The following SNX25 variants were observed in gnomAD, a reference collection of about 807,000 sequenced individuals.
SNX25 encodes the protein sorting nexin 25.
SNX25 carries 62 observed loss-of-function variants against 113.7 expected under a neutral mutation model. The observed-to-expected ratio is 0.55, with a 90% CI of 0.44 to 0.67. SNX25 has a LOEUF of 0.67. Ranked by LOEUF, SNX25 falls within the 30% of genes least tolerant of loss-of-function variation. The pLI, the probability that SNX25 is intolerant of heterozygous loss-of-function variation, is 0.00. For synonymous variants in SNX25, 421 were observed against 436.2 expected, an observed-to-expected ratio of 0.97 and a Z score of 0.43; for missense variants, 1,014 against 1,161.0, an observed-to-expected ratio of 0.87 and a Z score of 1.84.
At chr4:185,292,071 C>T (rs1472641683) in intron 6 of SNX25, among the ~76,000 whole-genome samples, 1 of 152,110 alleles carries the variant, frequency 6.6e-6, no homozygotes, top group Non-Finnish European at 1.5e-5. Context: ...TCTGGTATCA[C>T]TATTTAGCTT....
chr4:185,311,695 T>C lies in SNX25; in HGVS notation c.1344+879T>C, dbSNP rs192292935. Among the ~76,000 whole-genome samples the C allele has an allele frequency of 2.4e-4, 37 of 152,358 alleles. No individual in the cohort carries two copies. In the East Asian group the frequency reaches 5.8e-3, roughly 24 times the overall value. On this transcript the variant is annotated intron_variant, in intron 7 of 18. Coordinates refer to ENST00000652585, the MANE Select transcript of SNX25 (RefSeq NM_001378034.2). ...CTCACTTGTTCTGATTTTCAGTCTC[T>C]TGATTCTTTCCTGTTTAGCTCTCGG...
At chr4:185,337,732 A>G (rs2095239056) in intron 10 of SNX25, among the ~76,000 whole-genome samples, 1 of 152,172 alleles carries the variant, frequency 6.6e-6, no homozygotes, top group South Asian at 2.1e-4. Flanking sequence ...CAAGGGTTCC[A>G]ATCTCTCCAT....
At chr4:185,287,657 C>T (rs541272022) in intron 5 of SNX25, among the ~76,000 whole-genome samples, 6 of 152,202 alleles carry the variant, frequency 3.9e-5, no homozygotes, top group South Asian at 2.1e-4. Context: ...CCTTATTAGA[C>T]AGTGCCAATG....
chr4:185,376,287 C>CT, the SNX25 span, among the ~76,000 whole-genome samples: 1 of 151,630 alleles, frequency 6.6e-6, no homozygotes, highest in African/African-American at 2.4e-5. Context: ...TACAAACATA[C>CT]TTTTTTTTGA....
At chr4:185,326,626 C>T (rs181194391) in intron 9 of SNX25, among the ~76,000 whole-genome samples, 63 of 152,244 alleles carry the variant, frequency 4.1e-4, no homozygotes, top group African/African-American at 1.5e-3. Flanking sequence ...GGAACACATA[C>T]CAGTAACTTA....
chr4:185,243,061 T>C (rs904977678), intron 1 of SNX25, among the ~76,000 whole-genome samples: 2 of 152,166 alleles, frequency 1.3e-5, no homozygotes, highest in Non-Finnish European at 2.9e-5. Flanking sequence ...GGGTGGGATG[T>C]GGGAACTTCA....
At chr4:185,362,459 C>G (rs1314994887) in intron 17 of SNX25, 152 bp from the exon 18 acceptor site, 1 of 1,207,336 alleles carries the variant, frequency 8.3e-7, no homozygotes, top group African/African-American at 1.6e-5. Flanking sequence ...AACATTCTTT[C>G]CTGAAGCATT....
chr4:185,243,051 G>A (rs1056328721), intron 1 of SNX25, among the ~76,000 whole-genome samples: 6 of 152,138 alleles, frequency 3.9e-5, no homozygotes, highest in South Asian at 2.1e-4. Context: ...GATTCCTAGC[G>A]GGTGGGATGT....
intron 2 of SNX25, among the ~76,000 whole-genome samples, chr4:185,251,543 A>G (rs1397462095): frequency 6.6e-6 from 1 of 151,408 alleles, no homozygotes; most frequent in Non-Finnish European, 1.5e-5. Flanking sequence ...TTTCATCCAT[A>G]TTGTAGCATG....
intron 1 of SNX25, among the ~76,000 whole-genome samples, chr4:185,212,317 T>A (rs1737956580): frequency 6.7e-6 from 1 of 149,708 alleles, no homozygotes; most frequent in African/African-American, 2.5e-5. Context: ...TTTTTTTAAA[T>A]TTTTTAAGTG....
intron 8 of SNX25, among the ~76,000 whole-genome samples, chr4:185,322,388 C>T (rs1186018888): frequency 3.9e-5 from 6 of 152,062 alleles, no homozygotes; most frequent in South Asian, 2.1e-4. Context: ...GCCGAGATCA[C>T]GCCACTACAC....
At chr4:185,269,256 T>C (rs559805659) in intron 5 of SNX25, among the ~76,000 whole-genome samples, 6 of 152,186 alleles carry the variant, frequency 3.9e-5, no homozygotes, top group South Asian at 4.2e-4. Flanking sequence ...TCCCTAAAAC[T>C]GTACGTACAC....
intron 5 of SNX25, among the ~76,000 whole-genome samples, chr4:185,286,656 G>T (rs2126606046): frequency 6.6e-6 from 1 of 152,238 alleles, no homozygotes; most frequent in East Asian, 1.9e-4. Context: ...TTTTTAGCTG[G>T]GTATGTCACT....
rs533298732 is a variant in SNX25 at position 185,239,831 on chromosome 4, A to T, written c.430-7463A>T. Among the ~76,000 whole-genome samples, 406 of 138,812 alleles carry T rather than the reference A, an allele frequency of 2.9e-3. 8 individuals carry two copies. The highest frequency in any genetic ancestry group is 0.01 in the African/African-American group (384 of 37,278). The allele number at this position is 138,812 out of a possible 152,430, so 91.1% of individuals were successfully genotyped here. ...TGTTTCTCGCAGAGGGGGATTTGGC[A>T]GGGTCACAGGACAATAGTGGAGGGA... On this transcript the variant is annotated intron_variant, in intron 1 of 18. Transcript: ENST00000652585.
At chr4:185,291,875 G>C (rs1400006111) in intron 6 of SNX25, among the ~76,000 whole-genome samples, 1 of 152,188 alleles carries the variant, frequency 6.6e-6, no homozygotes, top group Non-Finnish European at 1.5e-5. Flanking sequence ...AGTAGGTATG[G>C]GGGGCAGATT....
At chr4:185,341,269 T>C (rs1319968590) in intron 11 of SNX25, among the ~76,000 whole-genome samples, 1 of 152,248 alleles carries the variant, frequency 6.6e-6, no homozygotes. Context: ...TAAAGGAAAT[T>C]ATATCTCCCA....
chr4:185,231,663 A>G (rs1303357329), intron 1 of SNX25, among the ~76,000 whole-genome samples: 4 of 151,396 alleles, frequency 2.6e-5, no homozygotes, highest in African/African-American at 2.4e-5. Context: ...GTGAGCTAAG[A>G]TGGCGCCACT....
intron 1 of SNX25, among the ~76,000 whole-genome samples, chr4:185,228,844 T>C (rs1741398348): frequency 2.0e-5 from 3 of 152,232 alleles, no homozygotes; most frequent in Non-Finnish European, 4.4e-5. Flanking sequence ...CCTTCACAGT[T>C]ATCCTATGAG....
intron 16 of SNX25, among the ~76,000 whole-genome samples, chr4:185,360,930 A>AATATATATATATAT (rs3047488): frequency 2.6e-4 from 36 of 139,606 alleles, no homozygotes; most frequent in African/African-American, 8.4e-4. Flanking sequence ...AAAAAAAAAT[A>AATATATATATATAT]ATATATATAT....
Sources: allele counts gnomAD v4.1 joint callset (sites outside exome capture counted in the v4.1 genomes callset), GRCh38; gene constraint gnomAD v4.1.1; transcripts MANE v1.5; gene names NCBI Gene and HGNC (gene_info 2026-07-23, HGNC 2026-07-21).